Variants in PTPRA observed in about 807,000 individuals in gnomAD.
PTPRA encodes the protein protein tyrosine phosphatase receptor type A.
Under a neutral mutation model 104.8 loss-of-function variants are expected in PTPRA, and 25 were observed. The ratio of observed to expected loss-of-function variants is 0.24; its 90% CI spans 0.17 to 0.33. The LOEUF (loss-of-function observed/expected upper bound fraction) is 0.33. Ranked by LOEUF, PTPRA falls within the 10% of genes least tolerant of loss-of-function variation. The pLI is 1.00. For synonymous variants in PTPRA, 323 were observed against 368.9 expected (o/e 0.88, Z 1.43); for missense variants, 765 against 1,015.3 (o/e 0.75, Z 3.35).
chr20:2,895,397 T>C (rs1368976780), intron 1 of PTPRA, among the ~76,000 whole-genome samples: 2 of 152,042 alleles, frequency 1.3e-5, no homozygotes, highest in Non-Finnish European at 1.5e-5. Flanking sequence ...TACATATTCT[T>C]TTAGACCCAG....
At chr20:2,909,758 TATATA>T (rs1425024598) in intron 1 of PTPRA, among the ~76,000 whole-genome samples, 4 of 137,132 alleles carry the variant, frequency 2.9e-5, no homozygotes, top group East Asian at 4.1e-4. Flanking sequence ...TATTACATAA[TATATA>T]ATATATATTA....
intron 1 of PTPRA, among the ~76,000 whole-genome samples, chr20:2,917,391 G>C (rs1219519735): frequency 6.6e-6 from 1 of 152,032 alleles, no homozygotes; most frequent in African/African-American, 2.4e-5. Flanking sequence ...AATTTCATGA[G>C]AGATTATTTC....
intron 20 of PTPRA, among the ~76,000 whole-genome samples, chr20:3,028,143 A>G (rs974900483): frequency 6.6e-6 from 1 of 152,078 alleles, no homozygotes; most frequent in Non-Finnish European, 1.5e-5. Flanking sequence ...TTTCTCCTGA[A>G]TACAGTCCCC....
Position 3,022,932 on chromosome 20 carries a change from A to C in PTPRA, c.1464+108A>C. ...AGGTTATTGTAAATGATTACTATAG[A>C]GTGTGATTGTGGGGGAAAGAAAGAT... On this transcript the variant is annotated intron_variant, in intron 16 of 23. Transcript: ENST00000399903. This position sits in a 1 kb window ranked among gnomAD's most constrained non-coding sequence, Gnocchi z 4.6. 1 of 1,494,852 alleles carries C rather than the reference A, an allele frequency of 6.7e-7. No homozygotes were observed. Among genetic ancestry groups the C allele is most frequent in the Non-Finnish European group, 9.0e-7 (1 of 1,105,774 alleles). The allele number at this position is 1,494,852 out of a possible 1,614,324, so 92.6% of individuals were successfully genotyped here.
At chr20:2,916,766 T>G (rs1385934503) in intron 1 of PTPRA, among the ~76,000 whole-genome samples, 1 of 152,152 alleles carries the variant, frequency 6.6e-6, no homozygotes, top group East Asian at 1.9e-4. Context: ...CTGAACTCAT[T>G]TAAAACTATT....
chr20:3,038,207 CA>C lies in PTPRA; in HGVS notation c.*77del, dbSNP rs2065898335. On this transcript the variant is annotated 3_prime_UTR_variant, in exon 24 of 24. Transcript: ENST00000399903. Reference sequence around the variant, plus strand: ...AATATTCTGTTTTGTTAATATACCCCAAATTGTGTATATATCTTATAACTGT... The same window carrying C: ...AATATTCTGTTTTGTTAATATACCCCAATTGTGTATATATCTTATAACTGT... 1.5e-6 allele frequency: 2 copies of C among 1,374,140 alleles called. No individual in the cohort carries two copies. The highest frequency in any genetic ancestry group is 2.9e-5 in the African/African-American group (2 of 69,804). 85.1% of individuals were successfully genotyped at this position (1,374,140 alleles called of 1,614,324 possible).
At chr20:2,994,552 C>G (rs1320922795) in intron 9 of PTPRA, among the ~76,000 whole-genome samples, 1 of 152,192 alleles carries the variant, frequency 6.6e-6, no homozygotes, top group Non-Finnish European at 1.5e-5. Context: ...GATTCCAGTG[C>G]TTTCCTCACC....
intron 1 of PTPRA, among the ~76,000 whole-genome samples, chr20:2,891,666 A>C (rs754745467): frequency 6.6e-6 from 1 of 151,932 alleles, no homozygotes; most frequent in Non-Finnish European, 1.5e-5. Flanking sequence ...TTAAACATTT[A>C]TAGTCTCAGA....
chr20:2,871,565 T>G (rs1317362821), upstream of PTPRA, among the ~76,000 whole-genome samples: 1 of 152,028 alleles, frequency 6.6e-6, no homozygotes, highest in Non-Finnish European at 1.5e-5. Flanking sequence ...ATAGTGTAAA[T>G]TAGATATAAG....
At chr20:3,033,501 G>C (rs1445287310) in intron 20 of PTPRA, among the ~76,000 whole-genome samples, 1 of 151,964 alleles carries the variant, frequency 6.6e-6, no homozygotes, top group Non-Finnish European at 1.5e-5. Context: ...GTCTGCAGTG[G>C]CCTGGCAACT....
Position 3,027,208 on chromosome 20 carries a change from G to T in PTPRA, c.1785+11G>T. 1.1e-5 allele frequency: 18 copies of T among 1,613,194 alleles called. No homozygotes were observed. The highest frequency in any genetic ancestry group is 1.5e-5 in the Non-Finnish European group (18 of 1,179,190). ...GCATCCTTTATTGATGTAAGTGGTG[G>T]GTGTGACCCCTGAGCCCCCAACACC... On this transcript the variant is annotated intron_variant, in intron 19 of 23. Transcript: ENST00000399903.
chr20:2,919,703 G>A (rs1335196608), intron 1 of PTPRA, among the ~76,000 whole-genome samples: 1 of 151,812 alleles, frequency 6.6e-6, no homozygotes, highest in African/African-American at 2.4e-5. Flanking sequence ...TCAGCTGGGG[G>A]AGGCCATAAA....
At chr20:2,874,029 C>G (rs1396401056) in intron 1 of PTPRA, among the ~76,000 whole-genome samples, 1 of 152,194 alleles carries the variant, frequency 6.6e-6, no homozygotes, top group African/African-American at 2.4e-5. Context: ...TGGGACCAGG[C>G]CAGGGCACTG....
At chr20:2,904,399 G>A (rs1419419261) in intron 1 of PTPRA, among the ~76,000 whole-genome samples, 3 of 151,944 alleles carry the variant, frequency 2.0e-5, no homozygotes, top group East Asian at 1.9e-4. Context: ...GGCCAGGCGC[G>A]GTGGCTCATG....
In PTPRA at chr20:2,873,504, A is replaced by C. The variant is rs2089485238; in HGVS notation, c.-385A>C. The C allele has an allele frequency of 6.6e-6, 1 of 151,940 alleles. No individual in the cohort carries two copies. Among genetic ancestry groups the C allele is most frequent in the African/African-American group, 2.4e-5 (1 of 41,398 alleles). 9.4% of individuals were successfully genotyped at this position (151,940 alleles called of 1,614,324 possible). On this transcript the variant is annotated 5_prime_UTR_variant, in exon 1 of 24. Transcript: ENST00000399903. This position sits in a 1 kb window ranked among gnomAD's most constrained non-coding sequence, Gnocchi z 4.4. ...CCGGGTCGGGAGCGAGGCTGCGGCGAGTGCGGCGCTGACAGAGACGCGCGC... is the reference window on the plus strand; with the variant it reads ...CCGGGTCGGGAGCGAGGCTGCGGCGCGTGCGGCGCTGACAGAGACGCGCGC...
the PTPRA span, chr20:2,866,761 A>G: frequency 1.2e-6 from 1 of 822,290 alleles, no homozygotes; most frequent in South Asian, 1.9e-5. Flanking sequence ...GTCCAGCCTA[A>G]GCAAAGGCAA....
intron 1 of PTPRA, among the ~76,000 whole-genome samples, chr20:2,877,555 G>A (rs945075106): frequency 1.3e-5 from 2 of 152,046 alleles, no homozygotes; most frequent in African/African-American, 2.4e-5. Context: ...CACCGTGCCC[G>A]GTGAAGAAAT....
At chr20:3,027,012 C>A in intron 18 of PTPRA, 109 bp from the exon 19 acceptor site, 1 of 1,243,292 alleles carries the variant, frequency 8.0e-7, no homozygotes, top group Non-Finnish European at 1.2e-6. Context: ...ACAGACATGT[C>A]CTTGCCCAGC....
At chr20:3,033,001 A>C (rs1483031740) in intron 20 of PTPRA, among the ~76,000 whole-genome samples, 4 of 149,730 alleles carry the variant, frequency 2.7e-5, no homozygotes, top group African/African-American at 9.9e-5. Flanking sequence ...GCATCACCCC[A>C]CTCACTAACC....
Sources: gnomAD v4.1 joint callset for allele counts (sites outside exome capture counted in the v4.1 genomes callset) on GRCh38, gnomAD v4.1.1 for gene constraint, Gnocchi (gnomAD v3.1) non-coding constraint, MANE v1.5 for transcripts, NCBI Gene and HGNC (gene_info 2026-07-23, HGNC 2026-07-21) for gene names.